Variants in PHACTR1 observed in about 807,000 individuals in gnomAD.
The protein encoded by PHACTR1 is RPEL repeat containing 1.
In PHACTR1, 16 loss-of-function variants were observed where a neutral mutation model predicts 69.2. That is an observed-to-expected ratio of 0.23 (90% confidence interval 0.16 to 0.35). The LOEUF is 0.35. PHACTR1 is among the 10% of genes least tolerant of loss of function. The pLI, the probability that PHACTR1 is intolerant of heterozygous loss-of-function variation, is 1.00. For synonymous variants in PHACTR1, 312 were observed against 284.5 expected, an observed-to-expected ratio of 1.10 and a Z score of -0.97; for missense variants, 510 against 734.7, an observed-to-expected ratio of 0.69 and a Z score of 3.54.
intron 4 of PHACTR1, among the ~76,000 whole-genome samples, chr6:12,971,810 TAAA>T (rs1794246481): frequency 6.6e-6 from 1 of 152,234 alleles, no homozygotes; most frequent in African/African-American, 2.4e-5. Flanking sequence ...AATAAGCTGT[TAAA>T]ATACAAAAAG....
intron 4 of PHACTR1, among the ~76,000 whole-genome samples, chr6:12,891,456 G>A (rs1341222926): frequency 1.3e-5 from 2 of 152,118 alleles, no homozygotes; most frequent in Non-Finnish European, 2.9e-5. Flanking sequence ...ATTGAGACAT[G>A]TTTGCATTTT....
At chr6:12,921,368 A>C (rs1486681636) in intron 4 of PHACTR1, among the ~76,000 whole-genome samples, 3 of 152,242 alleles carry the variant, frequency 2.0e-5, no homozygotes, top group East Asian at 3.9e-4. Flanking sequence ...AGTGTGCAGG[A>C]CACACAGAAA....
chr6:13,125,840 G>A (rs1259633909), intron 5 of PHACTR1, among the ~76,000 whole-genome samples: 1 of 152,062 alleles, frequency 6.6e-6, no homozygotes, highest in Non-Finnish European at 1.5e-5. Flanking sequence ...TGAGGTGGGA[G>A]GATTGCCTGA....
Position 13,044,626 on chromosome 6 carries a change from G to A in PHACTR1, c.251-8739G>A, listed in dbSNP as rs142332109. The stretch of plus-strand genomic sequence containing the variant: ...AGGAGAGGAGGAGTGACTCTCCAGA[G>A]GAGAATGAGGAAGCCCTTGCCACCT... On this transcript the variant is annotated intron_variant, in intron 4 of 14. Coordinates refer to ENST00000332995, the MANE Select transcript of PHACTR1 (RefSeq NM_030948.6). Among the ~76,000 whole-genome samples, 399 of 152,288 alleles carry A rather than the reference G, an allele frequency of 2.6e-3. 3 individuals carry two copies. The highest frequency in any genetic ancestry group is 4.6e-3 in the Non-Finnish European group (314 of 68,028).
intron 4 of PHACTR1, among the ~76,000 whole-genome samples, chr6:12,812,529 C>T (rs1775134839): frequency 6.6e-6 from 1 of 152,092 alleles, no homozygotes; most frequent in Admixed American, 6.6e-5. Context: ...GCAAATAAAC[C>T]ACCCAACAAG....
In PHACTR1 at chr6:12,904,474, T is replaced by C. The variant is rs141708658; in HGVS notation, c.251-148891T>C. 7.7e-3 allele frequency among the ~76,000 whole-genome samples: 1,149 copies of C among 149,504 alleles called. 19 individuals are homozygous for C. Among genetic ancestry groups the C allele is most frequent in the African/African-American group, 0.026 (1,046 of 40,498 alleles). On this transcript the variant is annotated intron_variant, in intron 4 of 14. Coordinates refer to ENST00000332995, the MANE Select transcript of PHACTR1 (RefSeq NM_030948.6). ...GCTTGAACCCGGGAGGCGGAGGTTG[T>C]GGTGAGCTGAGATCTTCCCACTGCA... is the stretch of plus-strand genomic sequence containing the variant.
At chr6:13,286,112 C>T in intron 13 of PHACTR1, 34 bp from the exon 14 acceptor site, 1 of 1,560,256 alleles carries the variant, frequency 6.4e-7, no homozygotes, top group Non-Finnish European at 8.7e-7. Flanking sequence ...TGTCTCTCTC[C>T]CATTGCACAT....
At chr6:12,968,016 A>G (rs1427756093) in intron 4 of PHACTR1, among the ~76,000 whole-genome samples, 1 of 152,192 alleles carries the variant, frequency 6.6e-6, no homozygotes, top group Non-Finnish European at 1.5e-5. Flanking sequence ...GATTTCCAAC[A>G]TGGCAGAGCT....
chr6:13,027,698 CAG>C (rs1447399638), intron 4 of PHACTR1, among the ~76,000 whole-genome samples: 2 of 150,980 alleles, frequency 1.3e-5, no homozygotes, highest in East Asian at 1.9e-4. Context: ...TTTTTTGAGA[CAG>C]AGTCTCACTC....
chr6:12,973,014 C>G (rs142953803), intron 4 of PHACTR1, among the ~76,000 whole-genome samples: 2 of 152,140 alleles, frequency 1.3e-5, no homozygotes, highest in African/African-American at 4.8e-5. Context: ...GGGCCTCTTG[C>G]ATTCCTTTTA....
At chr6:12,888,607 TTC>T (rs1261563974) in intron 4 of PHACTR1, among the ~76,000 whole-genome samples, 5 of 152,208 alleles carry the variant, frequency 3.3e-5, no homozygotes, top group Non-Finnish European at 7.3e-5. Context: ...CTTTTAGATT[TTC>T]TAAATAAAAT....
At chr6:13,151,500 G>A (rs1402085963) in intron 5 of PHACTR1, among the ~76,000 whole-genome samples, 1 of 152,174 alleles carries the variant, frequency 6.6e-6, no homozygotes, top group Non-Finnish European at 1.5e-5. Flanking sequence ...ATGTTTACAT[G>A]AGTGCCTGAA....
chr6:12,931,590 G>C (rs1389035554), intron 4 of PHACTR1, among the ~76,000 whole-genome samples: 1 of 152,068 alleles, frequency 6.6e-6, no homozygotes, highest in Non-Finnish European at 1.5e-5. Flanking sequence ...TTTAAGTCTG[G>C]ATTGATGGGT....
chr6:13,160,103 T>G (rs1758768205), intron 5 of PHACTR1, 101 bp from the exon 6 acceptor site: 1 of 1,007,922 alleles, frequency 9.9e-7, no homozygotes. Context: ...TACAGAAGCT[T>G]TCTCGTATGT....
chr6:13,034,967 A>C (rs1803093741), intron 4 of PHACTR1, among the ~76,000 whole-genome samples: 1 of 119,142 alleles, frequency 8.4e-6, no homozygotes, highest in South Asian at 2.6e-4. Flanking sequence ...ATGTTGTCTA[A>C]TTTCTTTCTG....
chr6:13,101,393 C>A (rs911649669), intron 5 of PHACTR1, among the ~76,000 whole-genome samples: 1 of 152,210 alleles, frequency 6.6e-6, no homozygotes, highest in Non-Finnish European at 1.5e-5. Context: ...GTTCCCAACA[C>A]CTGAACTTTG....
intron 4 of PHACTR1, among the ~76,000 whole-genome samples, chr6:12,899,896 A>T (rs562606558): frequency 5.1e-4 from 78 of 152,134 alleles, no homozygotes; most frequent in Non-Finnish European, 8.7e-4. Context: ...ACTGAGAGGG[A>T]TGGGCTCCAT....
intron 6 of PHACTR1, among the ~76,000 whole-genome samples, chr6:13,174,623 A>T (rs1204611976): frequency 6.6e-6 from 1 of 152,228 alleles, no homozygotes; most frequent in African/African-American, 2.4e-5. Context: ...AATCACAACT[A>T]CATGTCTTAT....
At chr6:12,921,932 GA>G (rs1787768723) in intron 4 of PHACTR1, among the ~76,000 whole-genome samples, 1 of 152,172 alleles carries the variant, frequency 6.6e-6, no homozygotes, top group Non-Finnish European at 1.5e-5. Context: ...CAGGCCTTGT[GA>G]AAAGGGCCCT....
Sources: allele counts gnomAD v4.1 joint callset (sites outside exome capture counted in the v4.1 genomes callset), GRCh38; gene constraint gnomAD v4.1.1; transcripts MANE v1.5; gene names NCBI Gene and HGNC (gene_info 2026-07-23, HGNC 2026-07-21).